Variants in YARS1 observed in about 807,000 individuals in gnomAD.
YARS1 encodes the protein tyrosyl-tRNA synthetase 1.
A neutral mutation model predicts 62.2 loss-of-function variants in YARS1; 36 were observed. The ratio of observed to expected loss-of-function variants is 0.58; its 90% CI spans 0.44 to 0.76. The LOEUF is 0.76. Among genes scored for constraint, YARS1 ranks in the 30% least tolerant of loss-of-function variants. The pLI, the probability that YARS1 is intolerant of heterozygous loss-of-function variation, is 0.00. For synonymous variants in YARS1, 234 were observed against 244.9 expected (o/e 0.96, Z 0.42); for missense variants, 524 against 639.8 (o/e 0.82, Z 1.95).
chr1:32,811,356 A>G (rs1638581467), intron 1 of YARS1: 1 of 440,440 alleles, frequency 2.3e-6, no homozygotes, highest in African/African-American at 2.0e-5. Flanking sequence ...GACTCCCAGC[A>G]CATCAAAGAA....
chr1:32,780,519 T>C, intron 10 of YARS1: 1 of 561,020 alleles, frequency 1.8e-6, no homozygotes, highest in Admixed American at 3.0e-5. Context: ...TGTTAAGAGG[T>C]GGAAGGATCT....
Position 32,810,897 on chromosome 1 carries a change from G to A in YARS1, c.204+14C>T, listed in dbSNP as rs375938313. Reference sequence around the variant, plus strand: ...TTGGGTCATTCCCCAAGGGCTTATAGCATTAGTTCTTACCTCACACCCTGC... The same window carrying A: ...TTGGGTCATTCCCCAAGGGCTTATAACATTAGTTCTTACCTCACACCCTGC... On this transcript the variant is annotated intron_variant, in intron 2 of 12. Coordinates refer to ENST00000373477, the MANE Select transcript of YARS1 (RefSeq NM_003680.4). The A allele has an allele frequency of 1.2e-6, 2 of 1,614,098 alleles. No individual in the cohort carries two copies. Among genetic ancestry groups the A allele is most frequent in the East Asian group, 2.2e-5 (1 of 44,884 alleles).
At position 32,780,239 on chromosome 1, in the gene YARS1, C is replaced by T. The variant is rs863224717; in HGVS notation, c.1180G>A (p.Val394Met). Residue 394 changes from valine to methionine, a missense_variant, in exon 11 of 13, where the codon GTG becomes ATG. By Grantham distance (21) the Val-to-Met change is conservative. Coordinates refer to ENST00000373477, the MANE Select transcript of YARS1 (RefSeq NM_003680.4). ...ACAGTCCGTGGTTCAGCTTCCCCCA[C>T]GTCAATCTTCTCTACATACAGGCTG... is the stretch of plus-strand genomic sequence containing the variant. ...ADSLYVEKIDVGEAEPRTVVS... is the reference protein window; with the variant it reads ...ADSLYVEKIDMGEAEPRTVVS... The T allele has an allele frequency of 2.2e-5, 35 of 1,614,170 alleles. 1 individual carries two copies. Among genetic ancestry groups the T allele is most frequent in the African/African-American group, 4.0e-5 (3 of 75,036 alleles).
chr1:32,792,152 G>T (rs541535557), intron 5 of YARS1, among the ~76,000 whole-genome samples: 1 of 152,160 alleles, frequency 6.6e-6, no homozygotes, highest in Non-Finnish European at 1.5e-5. Flanking sequence ...TGGAGACCTG[G>T]GCAGAGATTT....
At chr1:32,811,820 G>T (rs1262423251) in intron 1 of YARS1, among the ~76,000 whole-genome samples, 1 of 151,642 alleles carries the variant, frequency 6.6e-6, no homozygotes, top group Non-Finnish European at 1.5e-5. Flanking sequence ...TGATGTTGGG[G>T]AGTGGGGACA....
In YARS1 at chr1:32,811,101, C is replaced by T. The variant is rs763529284; in HGVS notation, c.58-44G>A. ...AGTTAGTTTAATGTCAGTGCCTCAC[C>T]TTGCTCATCCTTTACCATGTGACAA... On this transcript the variant is annotated intron_variant, in intron 1 of 12. Transcript: ENST00000373477. The T allele has an allele frequency of 1.2e-5, 19 of 1,612,492 alleles. No individual in the cohort carries two copies. The East Asian group carries it at 2.9e-4, about 25-fold the overall frequency.
At chr1:32,782,661 T>C in intron 8 of YARS1, 122 bp from the exon 9 acceptor site, 2 of 1,368,522 alleles carry the variant, frequency 1.5e-6, no homozygotes, top group Non-Finnish European at 2.0e-6. Flanking sequence ...TGTGATAATC[T>C]TGTGAGGCAG....
intron 4 of YARS1, among the ~76,000 whole-genome samples, chr1:32,799,065 T>C (rs1445658767): frequency 6.6e-6 from 1 of 152,188 alleles, no homozygotes; most frequent in Admixed American, 6.5e-5. Context: ...TATCTCTATT[T>C]AGTAAGATGG....
At chr1:32,797,870 A>C (rs1653654942) in intron 4 of YARS1, 27 bp from the exon 5 acceptor site, 1 of 1,595,696 alleles carries the variant, frequency 6.3e-7, no homozygotes, top group Non-Finnish European at 8.6e-7. Flanking sequence ...ATGAACATAA[A>C]CATCTACTTT....
chr1:32,780,694 C>T, intron 10 of YARS1: 1 of 418,122 alleles, frequency 2.4e-6, no homozygotes, highest in South Asian at 2.2e-5. Context: ...GGAAGTCTTC[C>T]CTCCACCACT....
chr1:32,784,844 A>T (rs1653169631), intron 8 of YARS1, among the ~76,000 whole-genome samples: 1 of 152,178 alleles, frequency 6.6e-6, no homozygotes, highest in South Asian at 2.1e-4. Flanking sequence ...GGAGGACTGA[A>T]CCCTCTGTGT....
intron 12 of YARS1, among the ~76,000 whole-genome samples, chr1:32,778,195 A>AAC (rs1652931678): frequency 6.6e-6 from 1 of 152,190 alleles, no homozygotes; most frequent in Non-Finnish European, 1.5e-5. Context: ...CTGCTGCTTT[A>AAC]TTCATTGAGG....
intron 8 of YARS1, among the ~76,000 whole-genome samples, chr1:32,785,225 C>A (rs577365183): frequency 7.9e-5 from 12 of 152,164 alleles, no homozygotes; most frequent in Non-Finnish European, 1.5e-4. Flanking sequence ...TCTGGGAGGC[C>A]GAGGCAGGCG....
intron 8 of YARS1, 114 bp from the exon 9 acceptor site, chr1:32,782,653 T>G: frequency 7.0e-7 from 1 of 1,433,520 alleles, no homozygotes; most frequent in Non-Finnish European, 9.6e-7. Flanking sequence ...TTGATCCTTG[T>G]GATAATCTTG....
intron 5 of YARS1, among the ~76,000 whole-genome samples, chr1:32,793,769 G>A (rs1002867197): frequency 2.6e-5 from 4 of 152,192 alleles, no homozygotes; most frequent in Non-Finnish European, 4.4e-5. Flanking sequence ...CTTTTCAGTC[G>A]AAACTATGGA....
At chr1:32,802,428 A>G (rs1638324634) in intron 4 of YARS1, among the ~76,000 whole-genome samples, 1 of 151,944 alleles carries the variant, frequency 6.6e-6, no homozygotes, top group Non-Finnish European at 1.5e-5. Context: ...GATCCTTTTC[A>G]GAGGTTTTCA....
chr1:32,792,385 C>A (rs1471422966), intron 5 of YARS1, among the ~76,000 whole-genome samples: 1 of 152,184 alleles, frequency 6.6e-6, no homozygotes, highest in African/African-American at 2.4e-5. Context: ...AGTAATTTAG[C>A]AATCTACAGA....
intron 3 of YARS1, among the ~76,000 whole-genome samples, chr1:32,807,483 G>A (rs545769213): frequency 2.0e-5 from 3 of 151,312 alleles, no homozygotes; most frequent in African/African-American, 7.3e-5. Context: ...TTGAGACAGG[G>A]TCTCACTCTG....
chr1:32,778,736 C>CTTTTTTT (rs67504155), intron 12 of YARS1, among the ~76,000 whole-genome samples: 4 of 120,064 alleles, frequency 3.3e-5, no homozygotes, highest in Non-Finnish European at 6.9e-5. Context: ...CTTTTCTTTT[C>CTTTTTTT]TTTTTTTTTT....
Sources: allele counts gnomAD v4.1 joint callset (sites outside exome capture counted in the v4.1 genomes callset), GRCh38; gene constraint gnomAD v4.1.1; transcripts MANE v1.5; gene names NCBI Gene and HGNC (gene_info 2026-07-23, HGNC 2026-07-21).